Variants in PAX2 observed in about 807,000 individuals in gnomAD.
PAX2 encodes paired box protein Pax-2.
In PAX2, 9 loss-of-function variants were observed where a neutral mutation model predicts 41.7. That is an observed-to-expected ratio of 0.22 (90% CI 0.13 to 0.38). The LOEUF (loss-of-function observed/expected upper bound fraction) is 0.38, where lower values mean the gene tolerates loss of function less well. Ranked by LOEUF, PAX2 falls within the 10% of genes least tolerant of loss-of-function variation. The pLI is 1.00. For synonymous variants in PAX2, 221 were observed against 212.7 expected (o/e 1.04, Z -0.34); for missense variants, 418 against 531.6 (o/e 0.79, Z 2.10).
At position 100,746,334 on chromosome 10, in the gene PAX2, C is replaced by T. The variant is rs767182896; in HGVS notation, c.43+31C>T. 5 of 1,472,996 alleles carry T rather than the reference C, an allele frequency of 3.4e-6. No homozygotes were observed. In the East Asian group the frequency reaches 9.0e-5, roughly 27 times the overall value. 91.2% of individuals were successfully genotyped at this position (1,472,996 alleles called of 1,614,324 possible). A position where few individuals can be genotyped will look rare whatever the true frequency, so the allele number is the denominator to read the frequency against. The stretch of plus-strand genomic sequence containing the variant: ...TACCGGCGCCCGGCTCCTGTCCCGG[C>T]TCGGGGCTCTCCGTCCCAACCCTGT... On this transcript the variant is annotated intron_variant, in intron 1 of 9. Transcript: ENST00000355243.
intron 3 of PAX2, among the ~76,000 whole-genome samples, chr10:100,759,782 G>T (rs928785248): frequency 3.9e-5 from 6 of 152,200 alleles, no homozygotes; most frequent in African/African-American, 7.2e-5. Flanking sequence ...GAGGGGAGCA[G>T]GCAGAAAGGG....
chr10:100,747,446 G>C (rs1038738362), intron 1 of PAX2: 2 of 182,168 alleles, frequency 1.1e-5, no homozygotes, highest in Non-Finnish European at 2.1e-5. Flanking sequence ...CATGTCTTTA[G>C]CTTGAAAAAC....
rs1391667637 is a variant in PAX2 at position 100,829,107 on chromosome 10, C to A, written c.*1488C>A. 8.7e-6 allele frequency: 2 copies of A among 230,398 alleles called. No homozygotes were observed. Among genetic ancestry groups the A allele is most frequent in the Admixed American group, 1.1e-4 (2 of 17,642 alleles). 14.3% of individuals were successfully genotyped at this position (230,398 alleles called of 1,614,324 possible). A position where few individuals can be genotyped will look rare whatever the true frequency, so the allele number is the denominator to read the frequency against. On this transcript the variant is annotated 3_prime_UTR_variant, in exon 10 of 10. Transcript: ENST00000355243. ...TTTTTTATGTTACAAAAAAAAATTA[C>A]GAAAGAAAAGAAATCTCTATGCAAA...
Position 100,748,235 on chromosome 10 carries a change from C to T in PAX2, c.44-1511C>T. 2 of 985,086 alleles carry T rather than the reference C, an allele frequency of 2.0e-6. No individual in the cohort carries two copies. Among genetic ancestry groups the T allele is most frequent in the Non-Finnish European group, 2.4e-6 (2 of 829,876 alleles). The allele number at this position is 985,086 out of a possible 1,614,324, so 61.0% of individuals were successfully genotyped here. ...GCCCGCAGCTGCCGCCTTTTCATAC[C>T]GGTAACGCGAGTTCTCCCGGGGCCT... On this transcript the variant is annotated intron_variant, in intron 1 of 9. Transcript: ENST00000355243. This position sits in a 1 kb window ranked among gnomAD's most constrained non-coding sequence, Gnocchi z 5.0.
chr10:100,747,778 G>T, intron 1 of PAX2: 10 of 985,072 alleles, frequency 1.0e-5, no homozygotes, highest in Non-Finnish European at 1.2e-5. Context: ...CGGCGAGCGG[G>T]CCGGAAAGCC....
At chr10:100,749,287 C>G in intron 1 of PAX2, 1 of 999,150 alleles carries the variant, frequency 1.0e-6, no homozygotes. Flanking sequence ...TCGACGCCCC[C>G]AAATCGTCCG....
intron 4 of PAX2, 116 bp from the exon 5 acceptor site, chr10:100,781,130 C>T: frequency 4.0e-6 from 4 of 1,005,918 alleles, no homozygotes; most frequent in South Asian, 3.8e-5. Context: ...AACGTGGGCT[C>T]CTCATCCCTC....
chr10:100,812,174 C>T (rs3781372), intron 7 of PAX2, among the ~76,000 whole-genome samples: 66 of 152,340 alleles, frequency 4.3e-4, no homozygotes, highest in African/African-American at 8.4e-4. Flanking sequence ...ATCAGGGAAC[C>T]GAGGAGAGAG....
chr10:100,763,542 A>C (rs1845908424), intron 3 of PAX2, among the ~76,000 whole-genome samples: 1 of 152,210 alleles, frequency 6.6e-6, no homozygotes, highest in South Asian at 2.1e-4. Context: ...TATTGGAACG[A>C]GCACAGCTGG....
At chr10:100,772,138 G>T (rs1055617409) in intron 3 of PAX2, among the ~76,000 whole-genome samples, 1 of 151,494 alleles carries the variant, frequency 6.6e-6, no homozygotes, top group Non-Finnish European at 1.5e-5. Context: ...TTTTGTGTGT[G>T]TGACAGAGTC....
chr10:100,777,396 G>C (rs1246601739), intron 3 of PAX2, among the ~76,000 whole-genome samples: 2 of 117,998 alleles, frequency 1.7e-5, no homozygotes, highest in African/African-American at 6.0e-5. Flanking sequence ...ACCGCATCTG[G>C]CCTTTTTTTT....
intron 3 of PAX2, among the ~76,000 whole-genome samples, chr10:100,756,569 G>A (rs1030154288): frequency 6.6e-6 from 1 of 152,154 alleles, no homozygotes; most frequent in Non-Finnish European, 1.5e-5. Context: ...AACTGTAAAT[G>A]TTTTGAGCAT....
intron 1 of PAX2, among the ~76,000 whole-genome samples, chr10:100,736,128 G>A (rs1844772014): frequency 1.3e-5 from 2 of 152,148 alleles, no homozygotes. Flanking sequence ...CAGCGCCTAT[G>A]CCAGTGGGTG....
chr10:100,810,889 C>T (rs958351185), intron 7 of PAX2, among the ~76,000 whole-genome samples: 3 of 152,202 alleles, frequency 2.0e-5, no homozygotes, highest in Non-Finnish European at 4.4e-5. Flanking sequence ...ACAGTCCCAG[C>T]TCAGCCTGGG....
chr10:100,796,964 A>G (rs973250833), intron 5 of PAX2, among the ~76,000 whole-genome samples: 6 of 152,224 alleles, frequency 3.9e-5, no homozygotes, highest in African/African-American at 1.2e-4. Context: ...AGGGAATCCA[A>G]TTAAATTCTC....
Position 100,824,963 on chromosome 10 carries a change from GC to G in PAX2, c.1021+219del, listed in dbSNP as rs752149430. 3 of 1,613,990 alleles carry G rather than the reference GC, an allele frequency of 1.9e-6. No individual in the cohort carries two copies. Among genetic ancestry groups the G allele is most frequent in the Non-Finnish European group, 2.5e-6 (3 of 1,179,962 alleles). On this transcript the variant is annotated intron_variant, in intron 8 of 9. Transcript: ENST00000355243. The surrounding 1 kb of genome is among the most constrained non-coding windows in gnomAD (Gnocchi z 6.6). The stretch of plus-strand genomic sequence containing the variant: ...AGCCGGGGAGGAAGCTTGCAGAAGT[GC>G]CCCCTTGTGTGCAACCCACTGTATG...
chr10:100,789,697 CAG>C (rs1048918319), intron 5 of PAX2, among the ~76,000 whole-genome samples: 3 of 152,136 alleles, frequency 2.0e-5, no homozygotes, highest in Non-Finnish European at 2.9e-5. Context: ...CACCAAAACA[CAG>C]GGGGAAAAAA....
chr10:100,790,664 G>A (rs1847075506), intron 5 of PAX2, among the ~76,000 whole-genome samples: 1 of 152,212 alleles, frequency 6.6e-6, no homozygotes, highest in African/African-American at 2.4e-5. Context: ...TGGAAAAAGG[G>A]TTTGGAGAGG....
chr10:100,743,044 G>A (rs1463516905), upstream of PAX2, among the ~76,000 whole-genome samples: 1 of 151,614 alleles, frequency 6.6e-6, no homozygotes, highest in Non-Finnish European at 1.5e-5. Flanking sequence ...CTAATCTCCA[G>A]GGAGCATTAC....
Sources: gnomAD v4.1 joint callset for allele counts (sites outside exome capture counted in the v4.1 genomes callset) on GRCh38, gnomAD v4.1.1 for gene constraint, Gnocchi (gnomAD v3.1) non-coding constraint, MANE v1.5 for transcripts, NCBI Gene and HGNC (gene_info 2026-07-23, HGNC 2026-07-21) for gene names.